The following SMAD5 variants were observed in gnomAD, a reference collection of about 807,000 sequenced individuals.
The protein encoded by SMAD5 is SMAD family member 5, also known as MAD, mothers against decapentaplegic homolog 5.
A neutral mutation model predicts 43.1 loss-of-function variants in SMAD5; 9 were observed. The ratio of observed to expected loss-of-function variants is 0.21; its 90% CI spans 0.13 to 0.36. The LOEUF (loss-of-function observed/expected upper bound fraction) is 0.36. SMAD5 is among the 10% of genes least tolerant of loss of function. The pLI is 1.00. For missense variants in SMAD5, 348 were observed against 574.0 expected, an observed-to-expected ratio of 0.61 and a Z score of 4.02; for synonymous variants, 190 against 192.4, an observed-to-expected ratio of 0.99 and a Z score of 0.10.
At position 136,163,330 on chromosome 5, in the gene SMAD5, C is replaced by T. The variant is rs775855305; in HGVS notation, c.714C>T (p.Ser238=). The T allele has an allele frequency of 2.5e-6, 4 of 1,611,512 alleles. No homozygotes were observed. The highest frequency in any genetic ancestry group is 3.4e-6 in the Non-Finnish European group (4 of 1,178,102). Residue 238 remains serine, a synonymous_variant, in exon 5 of 8, where the codon TCC becomes TCT. Transcript: ENST00000545279. ...PPDDQMGQDN[S]QPMDTSNNMI... ...ATGATCAGATGGGTCAAGATAATTC[C>T]CAGCCTATGGATACAAGCAATAATA...
Position 136,181,171 on chromosome 5 carries a change from A to G in SMAD5, c.*3691A>G, listed in dbSNP as rs1301722215. The G allele has an allele frequency of 6.6e-6, 1 of 152,136 alleles. No homozygotes were observed. The highest frequency in any genetic ancestry group is 1.5e-5 in the Non-Finnish European group (1 of 67,978). The allele number at this position is 152,136 out of a possible 1,614,324, so 9.4% of individuals were successfully genotyped here. A position where few individuals can be genotyped will look rare whatever the true frequency, so the allele number is the denominator to read the frequency against. ...AATCAATTGCTTAATAGTACTTTGG[A>G]TGATTATCACCTTTGCCACTTAAAA... On this transcript the variant is annotated 3_prime_UTR_variant, in exon 8 of 8. Transcript: ENST00000545279.
rs557113001 is a variant in SMAD5, at chr5:136,169,870, A to G, written c.776-2564A>G. Among the ~76,000 whole-genome samples the G allele has an allele frequency of 9.2e-5, 14 of 152,288 alleles. No homozygotes were observed. The East Asian group carries it at 2.7e-3, about 29-fold the overall frequency. ...TAATTTGCAATTCCTTAATGACATAACATGTTGAACATCTTTTCACATGCT... is the reference window on the plus strand; with the variant it reads ...TAATTTGCAATTCCTTAATGACATAGCATGTTGAACATCTTTTCACATGCT... On this transcript the variant is annotated intron_variant, in intron 5 of 7. Coordinates refer to ENST00000545279, the MANE Select transcript of SMAD5 (RefSeq NM_005903.7).
chr5:136,147,929 T>A (rs1040299843), intron 2 of SMAD5, 23 bp downstream of exon 2: 2 of 151,778 alleles, frequency 1.3e-5, no homozygotes, highest in Non-Finnish European at 3.0e-5. Flanking sequence ...TTAAGATCAT[T>A]CATGCCACTC....
chr5:136,180,070 A>G lies in SMAD5; in HGVS notation c.*2590A>G, dbSNP rs1264407642. On this transcript the variant is annotated 3_prime_UTR_variant, in exon 8 of 8. Coordinates refer to ENST00000545279, the MANE Select transcript of SMAD5 (RefSeq NM_005903.7). ...ACAACTAAGAGTTTGACAGAGAACT[A>G]TAAGCCTGTTGTATCTCCTAAAAGT... 4 of 152,198 alleles carry G rather than the reference A, an allele frequency of 2.6e-5. No individual in the cohort carries two copies. The highest frequency in any genetic ancestry group is 4.4e-5 in the Non-Finnish European group (3 of 68,016). 9.4% of individuals were successfully genotyped at this position (152,198 alleles called of 1,614,324 possible).
At chr5:136,149,242 T>G (rs768892282) in intron 2 of SMAD5, among the ~76,000 whole-genome samples, 2 of 151,950 alleles carry the variant, frequency 1.3e-5, no homozygotes, top group Non-Finnish European at 2.9e-5. Flanking sequence ...CTGATGAATA[T>G]TTGGGTTCCA....
chr5:136,135,038 G>A (rs1752827410), intron 1 of SMAD5: 1 of 152,188 alleles, frequency 6.6e-6, no homozygotes, highest in Non-Finnish European at 1.5e-5. Flanking sequence ...CGTAGGTTCT[G>A]TACAGATCTG....
chr5:136,164,975 T>G (rs1366737627), intron 5 of SMAD5, among the ~76,000 whole-genome samples: 1 of 152,194 alleles, frequency 6.6e-6, no homozygotes, highest in Non-Finnish European at 1.5e-5. Flanking sequence ...AGAGTATCAT[T>G]TCTTTGTTGA....
intron 2 of SMAD5, among the ~76,000 whole-genome samples, chr5:136,151,311 T>C (rs1454251489): frequency 6.6e-6 from 1 of 152,028 alleles, no homozygotes; most frequent in Non-Finnish European, 1.5e-5. Flanking sequence ...GGATAGAGAA[T>C]GTTGTGAGAA....
In SMAD5 at chr5:136,149,286, C is replaced by T. The variant is rs537122884; in HGVS notation, c.-170+1380C>T. Among the ~76,000 whole-genome samples, 5 of 151,862 alleles carry T rather than the reference C, an allele frequency of 3.3e-5. No individual in the cohort carries two copies. In the South Asian group the frequency reaches 1.0e-3, roughly 32 times the overall value. ...CTATTATAAATAAAGTTGTTAGGAA[C>T]ATGTACTTGTTTTTTGGTGGACACA... On this transcript the variant is annotated intron_variant, in intron 2 of 7. Coordinates refer to ENST00000545279, the MANE Select transcript of SMAD5 (RefSeq NM_005903.7).
chr5:136,136,933 GTGA>G (rs1371572455), intron 1 of SMAD5, among the ~76,000 whole-genome samples: 3 of 152,040 alleles, frequency 2.0e-5, no homozygotes, highest in African/African-American at 7.2e-5. Flanking sequence ...CTGACCTCAA[GTGA>G]TCTGCCCGCT....
intron 1 of SMAD5, among the ~76,000 whole-genome samples, chr5:136,142,630 A>G (rs1753122267): frequency 6.6e-6 from 1 of 152,188 alleles, no homozygotes; most frequent in African/African-American, 2.4e-5. Flanking sequence ...CCAAAGGTAT[A>G]CTATGAAAGG....
At chr5:136,165,389 G>T (rs1317675333) in intron 5 of SMAD5, among the ~76,000 whole-genome samples, 2 of 151,488 alleles carry the variant, frequency 1.3e-5, no homozygotes, top group African/African-American at 4.9e-5. Context: ...TTGTTTGTTT[G>T]TTTTTTTATG....
intron 3 of SMAD5, among the ~76,000 whole-genome samples, chr5:136,159,620 T>G (rs1753762477): frequency 6.7e-6 from 1 of 148,364 alleles, no homozygotes; most frequent in Non-Finnish European, 1.5e-5. Flanking sequence ...ATTGCTAGCC[T>G]GCTAAATGTA....
intron 3 of SMAD5, among the ~76,000 whole-genome samples, chr5:136,160,597 A>G (rs1464925113): frequency 1.3e-5 from 2 of 151,976 alleles, no homozygotes; most frequent in African/African-American, 4.8e-5. Flanking sequence ...AATATCCTTT[A>G]TCTCATAGAA....
intron 1 of SMAD5, chr5:136,134,540 T>C (rs2149755847): frequency 6.6e-6 from 1 of 152,334 alleles, no homozygotes; most frequent in African/African-American, 2.4e-5. Context: ...CATTATGAAA[T>C]TAGTGTTCCA....
intron 5 of SMAD5, among the ~76,000 whole-genome samples, chr5:136,169,672 G>A (rs1043137690): frequency 6.6e-6 from 1 of 152,180 alleles, no homozygotes; most frequent in African/African-American, 2.4e-5. Flanking sequence ...GTAGGAGTAT[G>A]TTTAGGTTTG....
At chr5:136,156,827 T>C (rs1753653881) in intron 3 of SMAD5, among the ~76,000 whole-genome samples, 1 of 152,178 alleles carries the variant, frequency 6.6e-6, no homozygotes, top group South Asian at 2.1e-4. Flanking sequence ...TCTGATACTT[T>C]TAAATAACGG....
In SMAD5 at chr5:136,165,662, ATTTTTTT is replaced by A. The variant is rs58156387; in HGVS notation, c.775+2302_775+2308del. ...TACTTCATATAAATGGAATCATACA[ATTTTTTT>A]TTTTTTTTTTTTTTTTTTTTTTTTT... On this transcript the variant is annotated intron_variant, in intron 5 of 7. Coordinates refer to ENST00000545279, the MANE Select transcript of SMAD5 (RefSeq NM_005903.7). 2.9e-4 allele frequency among the ~76,000 whole-genome samples: 19 copies of A among 65,434 alleles called. 2 individuals are homozygous for A. Among genetic ancestry groups the A allele is most frequent in the Non-Finnish European group, 3.6e-4 (12 of 33,246 alleles). The allele number at this position is 65,434 out of a possible 152,430, so 42.9% of individuals were successfully genotyped here.
Position 136,139,438 on chromosome 5 carries a change from C to T in SMAD5, c.-245+6476C>T, listed in dbSNP as rs753997920. Among the ~76,000 whole-genome samples, 6 of 151,988 alleles carry T rather than the reference C, an allele frequency of 3.9e-5. 1 individual carries two copies. The highest frequency in any genetic ancestry group is 7.4e-5 in the Non-Finnish European group (5 of 67,992). ...TTTGCCAAATCAGTTGATGTCAAACCCCATTCTTCCAGTTGTCCAGGCTGA... is the reference window on the plus strand; with the variant it reads ...TTTGCCAAATCAGTTGATGTCAAACTCCATTCTTCCAGTTGTCCAGGCTGA... On this transcript the variant is annotated intron_variant, in intron 1 of 7. Transcript: ENST00000545279.
Sources: allele counts gnomAD v4.1 joint callset (sites outside exome capture counted in the v4.1 genomes callset), GRCh38; gene constraint gnomAD v4.1.1; transcripts MANE v1.5; gene names NCBI Gene and HGNC (gene_info 2026-07-23, HGNC 2026-07-21).